The following ABCC4 variants were observed in gnomAD, a reference collection of about 807,000 sequenced individuals.
The protein encoded by ABCC4 is ATP-binding cassette sub-family C member 4.
Under a neutral mutation model 168.5 loss-of-function variants are expected in ABCC4, and 102 were observed. The ratio of observed to expected loss-of-function variants is 0.61; its 90% confidence interval spans 0.52 to 0.71. The LOEUF is 0.71. ABCC4 is among the 30% of genes least tolerant of loss of function. ABCC4 has a pLI of 0.00. For missense variants in ABCC4, 1,402 were observed against 1,605.8 expected (o/e 0.87, Z 2.17); for synonymous variants, 617 against 590.7 (o/e 1.04, Z -0.65).
Position 95,053,101 on chromosome 13 carries a change from T to C in ABCC4, c.3450A>G (p.Leu1150=), listed in dbSNP as rs752989995. ...ATTACATTTTATCAATTACCTCTTG[T>C]AAGGCATTCCACAGTTCCTCATCCG... The part of the protein sequence containing the change: ...EHTDEELWNA[L]QEVQLKETIE... Residue 1150 remains leucine (L), a synonymous_variant, in exon 27 of 31, where the codon TTA becomes TTG. Transcript: ENST00000645237. 2 of 1,613,306 alleles carry C rather than the reference T, an allele frequency of 1.2e-6. No individual in the cohort carries two copies. Among genetic ancestry groups the C allele is most frequent in the Non-Finnish European group, 1.7e-6 (2 of 1,179,264 alleles).
intron 3 of ABCC4, among the ~76,000 whole-genome samples, chr13:95,236,366 C>A (rs1342722711): frequency 1.8e-5 from 2 of 109,738 alleles, no homozygotes; most frequent in African/African-American, 5.8e-5. Flanking sequence ...GCAATCTCTC[C>A]TTCTTAACAA....
intron 19 of ABCC4, among the ~76,000 whole-genome samples, chr13:95,132,100 T>C (rs1471286981): frequency 4.6e-5 from 7 of 152,204 alleles, no homozygotes; most frequent in Non-Finnish European, 1.0e-4. Flanking sequence ...TACAGTTGGT[T>C]GTCCCTCTCT....
intron 5 of ABCC4, 44 bp from the exon 6 acceptor site, chr13:95,209,641 A>G (rs2038896405): frequency 3.8e-6 from 6 of 1,559,398 alleles, no homozygotes; most frequent in African/African-American, 1.4e-5. Context: ...CCAGAAAAGC[A>G]AAACCAGTAA....
At chr13:95,156,119 C>A (rs1388860650) in intron 19 of ABCC4, among the ~76,000 whole-genome samples, 1 of 152,176 alleles carries the variant, frequency 6.6e-6, no homozygotes, top group Non-Finnish European at 1.5e-5. Flanking sequence ...TCTGCCTATT[C>A]CAGTTACTAG....
chr13:95,260,015 C>G (rs994868747), intron 1 of ABCC4, among the ~76,000 whole-genome samples: 2 of 152,044 alleles, frequency 1.3e-5, no homozygotes. Flanking sequence ...ACCAGAATCC[C>G]CTGAAGAGTT....
In ABCC4 at chr13:95,188,371, A is replaced by G. The variant is rs1054349887; in HGVS notation, c.1353+82T>C. Reference sequence around the variant, plus strand: ...AGTGTACCCAGTTCAAAATTGTGTTACACGTAGCCTTGGGCTCAAACCCAC... The same window carrying G: ...AGTGTACCCAGTTCAAAATTGTGTTGCACGTAGCCTTGGGCTCAAACCCAC... On this transcript the variant is annotated intron_variant, in intron 10 of 30. Coordinates refer to ENST00000645237, the MANE Select transcript of ABCC4 (RefSeq NM_005845.5). 10 of 1,257,528 alleles carry G rather than the reference A, an allele frequency of 8.0e-6. No homozygotes were observed. The African/African-American group carries it at 1.5e-4, about 19-fold the overall frequency. 77.9% of individuals were successfully genotyped at this position (1,257,528 alleles called of 1,614,324 possible). A position where few individuals can be genotyped will look rare whatever the true frequency, so the allele number is the denominator to read the frequency against.
chr13:95,145,949 C>T (rs1337826287), intron 19 of ABCC4, among the ~76,000 whole-genome samples: 7 of 152,006 alleles, frequency 4.6e-5, no homozygotes, highest in South Asian at 4.1e-4. Flanking sequence ...CAGTGGCTCA[C>T]GGCTGTAATC....
chr13:95,075,338 A>T, intron 22 of ABCC4, 94 bp downstream of exon 22: 1 of 1,546,036 alleles, frequency 6.5e-7, no homozygotes, highest in Non-Finnish European at 8.8e-7. Flanking sequence ...CTGGGCCCTG[A>T]GGTGCCTGCC....
At position 95,034,718 on chromosome 13, in the gene ABCC4, T is replaced by C. The variant is rs781020367; in HGVS notation, c.3757A>G (p.Lys1253Glu). ...KIMVLDSGRLKEYDEPYVLLQ... is the reference protein window; with the variant it reads ...KIMVLDSGRLEEYDEPYVLLQ... Reference sequence around the variant, plus strand: ...AAAACATACGGCTCATCATATTCTTTCAGTCTTCCTGAATCTAAAACCTGT... The same window carrying C: ...AAAACATACGGCTCATCATATTCTTCCAGTCTTCCTGAATCTAAAACCTGT... The change falls in exon 30 of 31, where the codon AAA becomes GAA. Residue 1253 changes from lysine (K) to glutamate (E), a missense_variant. Lys to Glu is a moderately conservative substitution (Grantham distance 56). Around this residue, in one of 3 missense-constraint regions of ABCC4, gnomAD observed 1,007 missense variants for 1,127.3 expected, o/e 0.89. Transcript: ENST00000645237. The C allele has an allele frequency of 3.7e-6, 6 of 1,614,204 alleles. No individual in the cohort carries two copies. The highest frequency in any genetic ancestry group is 5.1e-6 in the Non-Finnish European group (6 of 1,180,038).
intron 20 of ABCC4, among the ~76,000 whole-genome samples, chr13:95,105,264 C>T (rs1478473291): frequency 1.3e-5 from 2 of 152,126 alleles, no homozygotes; most frequent in African/African-American, 2.4e-5. Flanking sequence ...AGAGGTCAGG[C>T]GGTAACGTGA....
intron 30 of ABCC4, among the ~76,000 whole-genome samples, chr13:95,022,456 C>T (rs1264797984): frequency 6.6e-6 from 1 of 152,174 alleles, no homozygotes. Context: ...CTCTGTTCCA[C>T]AATCATCAGT....
chr13:95,295,911 G>T (rs1461833493), intron 1 of ABCC4, among the ~76,000 whole-genome samples: 1 of 149,278 alleles, frequency 6.7e-6, no homozygotes, highest in African/African-American at 2.5e-5. Flanking sequence ...AGGTTGCAGT[G>T]AGCTGAGATC....
At chr13:95,039,544 G>C (rs908345671) in intron 29 of ABCC4, among the ~76,000 whole-genome samples, 1 of 152,096 alleles carries the variant, frequency 6.6e-6, no homozygotes, top group African/African-American at 2.4e-5. Flanking sequence ...GCCATGCATT[G>C]ATGTTGGTCC....
intron 8 of ABCC4, among the ~76,000 whole-genome samples, chr13:95,199,712 C>T (rs1230640429): frequency 6.6e-6 from 1 of 152,136 alleles, no homozygotes; most frequent in Non-Finnish European, 1.5e-5. Context: ...GCTGCATCAG[C>T]CTCCTGACGT....
chr13:95,230,839 T>C (rs1203797961), intron 4 of ABCC4, among the ~76,000 whole-genome samples: 1 of 152,204 alleles, frequency 6.6e-6, no homozygotes, highest in Non-Finnish European at 1.5e-5. Flanking sequence ...TTCGTGTTCA[T>C]AGCAGCATTG....
At chr13:95,118,360 C>T (rs2035450847) in intron 19 of ABCC4, among the ~76,000 whole-genome samples, 2 of 152,002 alleles carry the variant, frequency 1.3e-5, no homozygotes, top group African/African-American at 4.8e-5. Context: ...TCTCCTGCCT[C>T]AGCCTCCCGC....
At chr13:95,256,581 C>T (rs1279548323) in intron 1 of ABCC4, among the ~76,000 whole-genome samples, 5 of 152,088 alleles carry the variant, frequency 3.3e-5, no homozygotes, top group African/African-American at 7.2e-5. Flanking sequence ...CATGGCAAAA[C>T]CCTGTCTCGA....
At chr13:95,074,075 A>G in intron 23 of ABCC4, 139 bp downstream of exon 23, 1 of 675,738 alleles carries the variant, frequency 1.5e-6, no homozygotes, top group Admixed American at 3.2e-5. Context: ...ACCCAACCTG[A>G]CACATCGTAA....
At chr13:95,278,052 G>T (rs1289103222) in intron 1 of ABCC4, among the ~76,000 whole-genome samples, 2 of 152,158 alleles carry the variant, frequency 1.3e-5, no homozygotes, top group Admixed American at 1.3e-4. Context: ...CTACCCCACC[G>T]CGGTCAACCC....
Sources: gnomAD v4.1 joint callset for allele counts (sites outside exome capture counted in the v4.1 genomes callset) on GRCh38, gnomAD v4.1.1 for gene constraint, gnomAD v4.1.1 regional missense constraint, MANE v1.5 for transcripts, NCBI Gene and HGNC (gene_info 2026-07-23, HGNC 2026-07-21) for gene names.